The following UNC13B variants were observed in gnomAD, a reference collection of about 807,000 sequenced individuals.
The protein encoded by UNC13B is unc-13 homolog B.
In UNC13B, 144 loss-of-function variants were observed where a neutral mutation model predicts 211.0. The observed-to-expected ratio is 0.68, with a 90% CI of 0.60 to 0.78. The LOEUF is 0.78. UNC13B is among the 30% of genes least tolerant of loss of function. The pLI, the probability that UNC13B is intolerant of heterozygous loss-of-function variation, is 0.00. For missense variants in UNC13B, 1,777 were observed against 2,002.0 expected (o/e 0.89, Z 2.14); for synonymous variants, 709 against 725.8 (o/e 0.98, Z 0.37).
In UNC13B at chr9:35,401,918, GCTA is replaced by G. The variant is rs1174451431; in HGVS notation, c.12485-1244_12485-1242del. ...ATTCTTCTTTCTCTGTTCTGCTGCT[GCTA>G]CTACCTCTGACTTGCCTGTCCTCAT... is the stretch of plus-strand genomic sequence containing the variant. On this transcript the variant is annotated intron_variant, in intron 37 of 39. Coordinates refer to ENST00000635942, the MANE Select transcript of UNC13B (RefSeq NM_001371189.2). The G allele has an allele frequency of 2.6e-6, 4 of 1,545,986 alleles. No homozygotes were observed. In the East Asian group the frequency reaches 9.8e-5, roughly 38 times the overall value.
At chr9:35,368,046 G>T (rs1021632455) in intron 12 of UNC13B, among the ~76,000 whole-genome samples, 2 of 152,022 alleles carry the variant, frequency 1.3e-5, no homozygotes, top group South Asian at 2.1e-4. Context: ...CTTGCAATTT[G>T]TCATCTTTAA....
intron 17 of UNC13B, among the ~76,000 whole-genome samples, chr9:35,379,972 A>C (rs1409950285): frequency 6.6e-6 from 1 of 152,146 alleles, no homozygotes; most frequent in Non-Finnish European, 1.5e-5. Context: ...ATGATAGGCT[A>C]ATATAGAAGT....
At chr9:35,210,367 C>G (rs1362135932) in intron 1 of UNC13B, among the ~76,000 whole-genome samples, 1 of 152,150 alleles carries the variant, frequency 6.6e-6, no homozygotes, top group Non-Finnish European at 1.5e-5. Flanking sequence ...TACTCATTAG[C>G]CACATAAAGC....
At chr9:35,400,193 C>G in intron 36 of UNC13B, 103 bp from the exon 37 acceptor site, 1 of 1,493,074 alleles carries the variant, frequency 6.7e-7, no homozygotes, top group Non-Finnish European at 9.0e-7. Context: ...TGTTCCTGAA[C>G]AGCCTATTCT....
intron 25 of UNC13B, 49 bp from the exon 26 acceptor site, chr9:35,390,580 C>T: frequency 6.3e-7 from 1 of 1,593,018 alleles, no homozygotes; most frequent in Non-Finnish European, 8.6e-7. Flanking sequence ...TGAATCAAAT[C>T]AAATGGCTCT....
chr9:35,256,297 T>C (rs1826876099), intron 6 of UNC13B, among the ~76,000 whole-genome samples: 2 of 152,180 alleles, frequency 1.3e-5, no homozygotes, highest in African/African-American at 4.8e-5. Flanking sequence ...AGGCTTCTCT[T>C]GGTTGTAGTA....
intron 1 of UNC13B, among the ~76,000 whole-genome samples, chr9:35,182,223 G>A (rs1821975260): frequency 6.6e-6 from 1 of 152,034 alleles, no homozygotes; most frequent in African/African-American, 2.4e-5. Context: ...TTTCTTGAAA[G>A]TTGACTCCTC....
intron 36 of UNC13B, among the ~76,000 whole-genome samples, 171 bp downstream of exon 36, chr9:35,399,900 C>T (rs1306047141): frequency 6.6e-6 from 1 of 152,176 alleles, no homozygotes; most frequent in Non-Finnish European, 1.5e-5. Context: ...ATTCAAGATG[C>T]TTATCATTGG....
In UNC13B at chr9:35,302,321, A is replaced by G. The variant is rs1829725082; in HGVS notation, c.2917A>G (p.Asn973Asp). The change falls in exon 9 of 40, where the codon AAT (asparagine) becomes GAT (aspartate). Residue 973 changes from asparagine (N) to aspartate (D), a missense_variant. Transcript: ENST00000635942. ...LNSIKSSSVPNIHDDLEKFDS... is the reference protein window; with the variant it reads ...LNSIKSSSVPDIHDDLEKFDS... The stretch of plus-strand genomic sequence containing the variant: ...TTCAATAAAATCTAGTTCAGTTCCA[A>G]ATATTCATGATGATCTAGAGAAGTT... The G allele has an allele frequency of 7.5e-6, 3 of 398,508 alleles. No individual in the cohort carries two copies. The highest frequency in any genetic ancestry group is 8.8e-5 in the Admixed American group (2 of 22,700). 24.7% of individuals were successfully genotyped at this position (398,508 alleles called of 1,614,324 possible).
chr9:35,222,594 G>C (rs758517543), intron 1 of UNC13B, among the ~76,000 whole-genome samples: 2 of 152,112 alleles, frequency 1.3e-5, no homozygotes, highest in Non-Finnish European at 2.9e-5. Flanking sequence ...CATAATAACT[G>C]TACGTATTTA....
rs548980150 is a variant in UNC13B, at chr9:35,357,832, A to C, written c.9415-9115A>C. Among the ~76,000 whole-genome samples the C allele has an allele frequency of 4.6e-5, 7 of 152,356 alleles. 1 individual carries two copies. Among genetic ancestry groups the C allele is most frequent in the Admixed American group, 4.6e-4 (7 of 15,310 alleles). On this transcript the variant is annotated intron_variant, in intron 11 of 39. Coordinates refer to ENST00000635942, the MANE Select transcript of UNC13B (RefSeq NM_001371189.2). Reference sequence around the variant, plus strand: ...TGTGGAACATTTTAACCATTTAAAAATATATAGTTCCATAACATCAAGTAC... The same window carrying C: ...TGTGGAACATTTTAACCATTTAAAACTATATAGTTCCATAACATCAAGTAC...
intron 16 of UNC13B, 103 bp downstream of exon 16, chr9:35,377,798 G>A: frequency 1.7e-6 from 2 of 1,203,954 alleles, no homozygotes; most frequent in Admixed American, 2.6e-5. Context: ...TAGGGAGAAA[G>A]AAAAAGGAAA....
At chr9:35,251,179 C>T (rs1018278967) in intron 6 of UNC13B, among the ~76,000 whole-genome samples, 12 of 151,912 alleles carry the variant, frequency 7.9e-5, no homozygotes, top group Middle Eastern at 3.4e-3. Context: ...TTAGCCAGGA[C>T]GGTCTCGATC....
chr9:35,329,911 A>G (rs1158473637), intron 11 of UNC13B, among the ~76,000 whole-genome samples: 1 of 152,118 alleles, frequency 6.6e-6, no homozygotes, highest in East Asian at 1.9e-4. Context: ...GCCTGTCAAT[A>G]TTTGTTTCCT....
chr9:35,187,718 C>T (rs1822437082), intron 1 of UNC13B, among the ~76,000 whole-genome samples: 1 of 152,158 alleles, frequency 6.6e-6, no homozygotes, highest in Non-Finnish European at 1.5e-5. Context: ...GGGTTTATAT[C>T]CTCAAATACC....
intron 7 of UNC13B, among the ~76,000 whole-genome samples, chr9:35,295,097 G>T (rs1829287222): frequency 6.6e-6 from 1 of 152,180 alleles, no homozygotes; most frequent in Non-Finnish European, 1.5e-5. Context: ...CAGCAGCACA[G>T]TAAGAGTGCT....
chr9:35,254,979 A>G (rs1826757045), intron 6 of UNC13B, among the ~76,000 whole-genome samples: 1 of 121,746 alleles, frequency 8.2e-6, no homozygotes, highest in Admixed American at 1.1e-4. Flanking sequence ...ATTATATATT[A>G]ATATATGTAT....
intron 24 of UNC13B, among the ~76,000 whole-genome samples, chr9:35,388,763 G>A (rs1835342336): frequency 6.6e-6 from 1 of 152,218 alleles, no homozygotes; most frequent in Non-Finnish European, 1.5e-5. Flanking sequence ...TCTGGAAGGT[G>A]TAAACTAAGG....
intron 1 of UNC13B, among the ~76,000 whole-genome samples, chr9:35,184,387 G>A (rs991852222): frequency 3.3e-5 from 5 of 152,192 alleles, no homozygotes; most frequent in African/African-American, 4.8e-5. Flanking sequence ...GTGGCGAGCC[G>A]AGATCAAGCC....
Sources: gnomAD v4.1 joint callset for allele counts (sites outside exome capture counted in the v4.1 genomes callset) on GRCh38, gnomAD v4.1.1 for gene constraint, MANE v1.5 for transcripts, NCBI Gene and HGNC (gene_info 2026-07-23, HGNC 2026-07-21) for gene names.